BIVM: variants seen among roughly 807,000 people sequenced by gnomAD.
BIVM encodes the protein basic, immunoglobulin-like variable motif containing.
BIVM carries 31 observed loss-of-function variants against 61.4 expected under a neutral mutation model. That is an observed-to-expected ratio of 0.51 (90% CI 0.38 to 0.68). The LOEUF (loss-of-function observed/expected upper bound fraction) is 0.68. Among genes scored for constraint, BIVM ranks in the 30% least tolerant of loss-of-function variants. The pLI, the probability that BIVM is intolerant of heterozygous loss-of-function variation, is 0.00. For missense variants in BIVM, 526 were observed against 596.0 expected (o/e 0.88, Z 1.22); for synonymous variants, 189 against 210.7 (o/e 0.90, Z 0.89).
chr13:102,838,777 G>A (rs1006445372), intron 10 of BIVM, 38 bp downstream of exon 10: 8 of 1,584,998 alleles, frequency 5.0e-6, no homozygotes, highest in African/African-American at 1.4e-5. Flanking sequence ...GCATTTCCCA[G>A]CTGACCAAAA....
chr13:102,827,967 TAAA>T (rs1173765433), intron 7 of BIVM, among the ~76,000 whole-genome samples: 1 of 152,240 alleles, frequency 6.6e-6, no homozygotes, highest in African/African-American at 2.4e-5. Flanking sequence ...GCTATTTGTT[TAAA>T]AACACTTTTA....
intron 1 of BIVM, among the ~76,000 whole-genome samples, chr13:102,804,860 C>T (rs1405944895): frequency 6.6e-6 from 1 of 152,168 alleles, no homozygotes; most frequent in African/African-American, 2.4e-5. Context: ...GCTCTGTTTC[C>T]TTAAATTCCA....
chr13:102,813,677 T>C lies in BIVM; in HGVS notation c.479-2751T>C, dbSNP rs376253704. 1.2e-4 allele frequency among the ~76,000 whole-genome samples: 19 copies of C among 152,216 alleles called. No homozygotes were observed. In the East Asian group the frequency reaches 1.9e-3, roughly 15 times the overall value. On this transcript the variant is annotated intron_variant, in intron 3 of 10. Coordinates refer to ENST00000257336, the MANE Select transcript of BIVM (RefSeq NM_017693.4). ...CCTAGAGAGTGGGACTATTATGTTA[T>C]GGCAACTCTGGTATATTCCTTCAAA...
intron 7 of BIVM, among the ~76,000 whole-genome samples, chr13:102,830,418 T>A (rs1028015470): frequency 6.6e-5 from 10 of 152,332 alleles, no homozygotes; most frequent in Admixed American, 5.2e-4. Context: ...GAATAAATAA[T>A]TTAGCTTCTT....
At chr13:102,832,152 C>T (rs1881138574) in intron 8 of BIVM, among the ~76,000 whole-genome samples, 1 of 152,134 alleles carries the variant, frequency 6.6e-6, no homozygotes, top group South Asian at 2.1e-4. Flanking sequence ...CATTTAGATA[C>T]TGTTGTTCAG....
chr13:102,808,200 A>G (rs1879232193), intron 3 of BIVM, among the ~76,000 whole-genome samples: 1 of 152,216 alleles, frequency 6.6e-6, no homozygotes, highest in Admixed American at 6.5e-5. Context: ...ATGTACCACC[A>G]AGTGGGTTGT....
intron 4 of BIVM, among the ~76,000 whole-genome samples, chr13:102,817,791 C>G (rs1392844115): frequency 6.6e-6 from 1 of 151,684 alleles, no homozygotes; most frequent in African/African-American, 2.4e-5. Context: ...CTAATGAAAA[C>G]AAGTTTAATT....
intron 3 of BIVM, among the ~76,000 whole-genome samples, chr13:102,814,948 G>A (rs1023462807): frequency 1.3e-5 from 2 of 152,130 alleles, no homozygotes; most frequent in African/African-American, 4.8e-5. Flanking sequence ...TGAGGCTGAT[G>A]TAGGAGGATT....
At chr13:102,812,433 T>G (rs930066963) in intron 3 of BIVM, among the ~76,000 whole-genome samples, 9 of 152,188 alleles carry the variant, frequency 5.9e-5, no homozygotes, top group Non-Finnish European at 8.8e-5. Context: ...TTTTTGTTGT[T>G]GTTGTTGTTG....
chr13:102,806,342 C>T (rs1311955311), intron 2 of BIVM, among the ~76,000 whole-genome samples: 1 of 152,108 alleles, frequency 6.6e-6, no homozygotes, highest in Non-Finnish European at 1.5e-5. Context: ...CTCTACCTCC[C>T]AGGTTCAAGT....
chr13:102,834,661 A>C, intron 9 of BIVM, 109 bp downstream of exon 9: 1 of 992,960 alleles, frequency 1.0e-6, no homozygotes, highest in Non-Finnish European at 1.4e-6. Context: ...GCACCTGTAT[A>C]ATCACCACCC....
In BIVM at chr13:102,807,169, C is replaced by A. The variant is rs1595332444; in HGVS notation, c.-99C>A. On this transcript the variant is annotated 5_prime_UTR_variant, in exon 3 of 11. Transcript: ENST00000257336. This position sits in a 1 kb window ranked among gnomAD's most constrained non-coding sequence, Gnocchi z 4.0. Reference sequence around the variant, plus strand: ...AGGAGCTCATTTTGCAGCTCTCAAGCTTTTATAGCATGCTGTAAACAATTG... The same window carrying A: ...AGGAGCTCATTTTGCAGCTCTCAAGATTTTATAGCATGCTGTAAACAATTG... 5 of 1,319,670 alleles carry A rather than the reference C, an allele frequency of 3.8e-6. No homozygotes were observed. The East Asian group carries it at 7.1e-5, about 19-fold the overall frequency. 81.7% of individuals were successfully genotyped at this position (1,319,670 alleles called of 1,614,324 possible). A position where few individuals can be genotyped will look rare whatever the true frequency, so the allele number is the denominator to read the frequency against.
chr13:102,825,131 G>A (rs550676790), intron 7 of BIVM, among the ~76,000 whole-genome samples: 49 of 152,132 alleles, frequency 3.2e-4, no homozygotes, highest in African/African-American at 1.1e-3. Flanking sequence ...TTTTTTAGTA[G>A]AGATGGGGTT....
At chr13:102,827,378 T>C (rs1880747331) in intron 7 of BIVM, among the ~76,000 whole-genome samples, 1 of 152,114 alleles carries the variant, frequency 6.6e-6, no homozygotes, top group South Asian at 2.1e-4. Flanking sequence ...AAATTTGTTT[T>C]CTTTTGTTAG....
chr13:102,819,027 A>G (rs1414379416), intron 4 of BIVM, among the ~76,000 whole-genome samples: 1 of 152,224 alleles, frequency 6.6e-6, no homozygotes, highest in Non-Finnish European at 1.5e-5. Flanking sequence ...ACAGCAGAAA[A>G]AAAAAATCAG....
intron 7 of BIVM, among the ~76,000 whole-genome samples, chr13:102,827,096 A>G (rs1880724354): frequency 6.6e-6 from 1 of 152,198 alleles, no homozygotes; most frequent in Non-Finnish European, 1.5e-5. Context: ...ATTTTATACT[A>G]TAATTTTGCT....
chr13:102,807,809 T>G lies in BIVM; in HGVS notation c.478+64T>G. ...GAGAAAACAAACACTATGTCTTGTT[T>G]AATCTTGCCATTACACATAGTTTCC... On this transcript the variant is annotated intron_variant, in intron 3 of 10. Transcript: ENST00000257336. This position sits in a 1 kb window ranked among gnomAD's most constrained non-coding sequence, Gnocchi z 4.0. The G allele has an allele frequency of 6.8e-7, 1 of 1,478,210 alleles. No homozygotes were observed. The highest frequency in any genetic ancestry group is 9.1e-7 in the Non-Finnish European group (1 of 1,100,286). The allele number at this position is 1,478,210 out of a possible 1,614,324, so 91.6% of individuals were successfully genotyped here. A position where few individuals can be genotyped will look rare whatever the true frequency, so the allele number is the denominator to read the frequency against.
intron 8 of BIVM, among the ~76,000 whole-genome samples, chr13:102,834,102 C>T (rs1421879285): frequency 6.6e-6 from 1 of 152,106 alleles, no homozygotes; most frequent in Admixed American, 6.5e-5. Flanking sequence ...GACTTCATTG[C>T]TTTAGGGTTT....
Position 102,816,536 on chromosome 13 carries a change from T to C in BIVM, c.587T>C (p.Val196Ala), listed in dbSNP as rs1320739634. The C allele has an allele frequency of 6.3e-7, 1 of 1,575,280 alleles. No individual in the cohort carries two copies. ...CTTGAAGATATTAAACAGCGGAAAG[T>C]ATTAGACCTCAGACGATGGTGATGT... ...SPLEDIKQRK[V>A]LDLRRWYCIS... The change falls in exon 4 of 11, where the codon GTA becomes GCA. Residue 196 changes from valine to alanine, a missense_variant. Val to Ala is a moderately conservative substitution (Grantham distance 64, BLOSUM62 0). Transcript: ENST00000257336.
Sources: gnomAD v4.1 joint callset for allele counts (sites outside exome capture counted in the v4.1 genomes callset) on GRCh38, gnomAD v4.1.1 for gene constraint, Gnocchi (gnomAD v3.1) non-coding constraint, MANE v1.5 for transcripts, NCBI Gene and HGNC (gene_info 2026-07-23, HGNC 2026-07-21) for gene names.